Variants in TPRG1 observed in about 807,000 individuals in gnomAD.
The protein encoded by TPRG1 is tumor protein p63 regulated 1, also known as tumor protein p63-regulated gene 1 protein.
A neutral mutation model predicts 29.3 loss-of-function variants in TPRG1; 29 were observed. The observed-to-expected ratio is 0.99, with a 90% CI of 0.74 to 1.35. The LOEUF is 1.35. TPRG1 is among the 40% of genes most tolerant of loss of function. The probability of loss-of-function intolerance (pLI) is 0.00; values close to 1 mark genes in which losing one functional copy is unlikely to be tolerated. For missense variants in TPRG1, 327 were observed against 335.0 expected, an observed-to-expected ratio of 0.98 and a Z score of 0.19; for synonymous variants, 130 against 116.8, an observed-to-expected ratio of 1.11 and a Z score of -0.73.
intron 2 of TPRG1, among the ~76,000 whole-genome samples, chr3:189,209,324 T>C (rs185604818): frequency 6.6e-6 from 1 of 152,230 alleles, no homozygotes; most frequent in African/African-American, 2.4e-5. Flanking sequence ...AAACGACTTA[T>C]GTTTCAATTC....
At chr3:189,287,694 G>A (rs1006874978) in intron 4 of TPRG1, among the ~76,000 whole-genome samples, 45 of 152,126 alleles carry the variant, frequency 3.0e-4, no homozygotes, top group Non-Finnish European at 6.0e-4. Context: ...ACCATGCCCA[G>A]CCTACTTGTT....
At chr3:189,124,575 C>CAT (rs1238262565) in intron 1 of TPRG1, among the ~76,000 whole-genome samples, 1 of 151,090 alleles carries the variant, frequency 6.6e-6, no homozygotes, top group Admixed American at 6.6e-5. Context: ...TATACACACA[C>CAT]ACACATACGT....
chr3:189,244,671 C>T (rs1242466652), intron 4 of TPRG1, among the ~76,000 whole-genome samples: 2 of 152,058 alleles, frequency 1.3e-5, no homozygotes, highest in Non-Finnish European at 2.9e-5. Context: ...TTAAACCATT[C>T]CTGAGAAATA....
chr3:189,047,432 C>G (rs773735034), intron 4 of TPRG1, among the ~76,000 whole-genome samples: 3 of 152,128 alleles, frequency 2.0e-5, no homozygotes, highest in Non-Finnish European at 4.4e-5. Context: ...GAGCTGTAAT[C>G]TTTTTACTGG....
intron 4 of TPRG1, among the ~76,000 whole-genome samples, chr3:189,267,348 A>C (rs1275186715): frequency 1.3e-5 from 2 of 152,234 alleles, no homozygotes; most frequent in Non-Finnish European, 2.9e-5. Context: ...TAAGTGATGC[A>C]TGACTTTATA....
chr3:189,315,555 C>T (rs182345705), intron 5 of TPRG1: 206 of 453,724 alleles, frequency 4.5e-4, no homozygotes, highest in African/African-American at 3.3e-3. Flanking sequence ...TAGCAGTGAA[C>T]GCATTATGTG....
intron 3 of TPRG1, 162 bp from the exon 4 acceptor site, chr3:189,238,571 C>T: frequency 4.1e-6 from 2 of 491,760 alleles, no homozygotes; most frequent in South Asian, 4.2e-5. Context: ...GTCATGGGAC[C>T]AGACTGAGTG....
intron 2 of TPRG1, among the ~76,000 whole-genome samples, chr3:189,211,331 C>T (rs1735227284): frequency 6.6e-6 from 1 of 152,108 alleles, no homozygotes; most frequent in Non-Finnish European, 1.5e-5. Flanking sequence ...GGATATTGCT[C>T]AATTTCTCCA....
intron 2 of TPRG1, among the ~76,000 whole-genome samples, chr3:189,129,760 G>C (rs780751796): frequency 1.3e-5 from 2 of 152,124 alleles, no homozygotes; most frequent in Non-Finnish European, 2.9e-5. Flanking sequence ...TTTCACTAAA[G>C]CACAGATGAA....
At chr3:189,127,040 T>A (rs1001589103) in intron 1 of TPRG1, 1 of 152,184 alleles carries the variant, frequency 6.6e-6, no homozygotes, top group Admixed American at 6.5e-5. Context: ...CAAATCTGCA[T>A]CTTCCCTTTG....
At chr3:189,303,425 A>G (rs1437841682) in intron 4 of TPRG1, among the ~76,000 whole-genome samples, 1 of 152,144 alleles carries the variant, frequency 6.6e-6, no homozygotes, top group Admixed American at 6.6e-5. Flanking sequence ...TCCTCTAGAC[A>G]CTATCCAATC....
intron 1 of TPRG1, among the ~76,000 whole-genome samples, chr3:189,111,398 C>A (rs1250644413): frequency 6.6e-6 from 1 of 151,808 alleles, no homozygotes; most frequent in African/African-American, 2.4e-5. Flanking sequence ...TAGATGATCC[C>A]CTACTTATAA....
chr3:189,057,944 TTG>T (rs985452452), intron 4 of TPRG1, among the ~76,000 whole-genome samples: 3 of 150,742 alleles, frequency 2.0e-5, no homozygotes, highest in African/African-American at 7.3e-5. Flanking sequence ...TAAGTATATA[TTG>T]TGTGTATATA....
chr3:189,230,947 C>T (rs533130612), intron 3 of TPRG1, among the ~76,000 whole-genome samples: 2 of 152,080 alleles, frequency 1.3e-5, no homozygotes, highest in Admixed American at 6.6e-5. Flanking sequence ...GATGGGGGCT[C>T]GTATTTGCCT....
intron 1 of TPRG1, among the ~76,000 whole-genome samples, chr3:189,113,594 T>G (rs1720810823): frequency 6.6e-6 from 1 of 152,156 alleles, no homozygotes; most frequent in African/African-American, 2.4e-5. Flanking sequence ...GAAGAGTTGT[T>G]GAATTTTGTC....
chr3:189,324,471 G>A lies in TPRG1; in HGVS notation c.*3651G>A, dbSNP rs922928843. 1 of 152,130 alleles carries A rather than the reference G, an allele frequency of 6.6e-6. No individual in the cohort carries two copies. The highest frequency in any genetic ancestry group is 2.4e-5 in the African/African-American group (1 of 41,420). 9.4% of individuals were successfully genotyped at this position (152,130 alleles called of 1,614,324 possible). On this transcript the variant is annotated 3_prime_UTR_variant, in exon 6 of 6. Transcript: ENST00000345063. Reference sequence around the variant, plus strand: ...ATAATTTTGAAATGAGAAAACAATAGGGCACAGTCGTTTGGGAAGAATTTC... The same window carrying A: ...ATAATTTTGAAATGAGAAAACAATAAGGCACAGTCGTTTGGGAAGAATTTC...
intron 4 of TPRG1, among the ~76,000 whole-genome samples, chr3:189,259,276 C>G (rs925078370): frequency 1.3e-5 from 2 of 151,792 alleles, no homozygotes; most frequent in African/African-American, 4.8e-5. Context: ...CTTGGGCTTC[C>G]CAGGTGAGGC....
intron 4 of TPRG1, among the ~76,000 whole-genome samples, chr3:189,025,343 G>A (rs532511142): frequency 3.9e-5 from 6 of 152,194 alleles, no homozygotes; most frequent in Admixed American, 2.0e-4. Flanking sequence ...CCTTGGCTCC[G>A]TGTTGCTCCT....
chr3:189,293,357 C>G (rs1467092388), intron 4 of TPRG1, among the ~76,000 whole-genome samples: 2 of 152,138 alleles, frequency 1.3e-5, no homozygotes, highest in African/African-American at 4.8e-5. Flanking sequence ...TAGCCACTTT[C>G]TTCTTTCCTC....
Sources: allele counts gnomAD v4.1 joint callset (sites outside exome capture counted in the v4.1 genomes callset), GRCh38; gene constraint gnomAD v4.1.1; transcripts MANE v1.5; gene names NCBI Gene and HGNC (gene_info 2026-07-23, HGNC 2026-07-21).